The following ERAP2 variants were observed in gnomAD, a reference collection of about 807,000 sequenced individuals.
ERAP2 encodes the protein endoplasmic reticulum aminopeptidase 2.
ERAP2 carries 118 observed loss-of-function variants against 111.1 expected under a neutral mutation model. The ratio of observed to expected loss-of-function variants is 1.06; its 90% CI spans 0.92 to 1.24. The LOEUF (loss-of-function observed/expected upper bound fraction) is 1.24. ERAP2 is among the 50% of genes most tolerant of loss of function. The pLI, the probability that ERAP2 is intolerant of heterozygous loss-of-function variation, is 0.00. For missense variants in ERAP2, 1,131 were observed against 1,125.8 expected, an observed-to-expected ratio of 1.00 and a Z score of -0.07; for synonymous variants, 410 against 401.2, an observed-to-expected ratio of 1.02 and a Z score of -0.26.
At chr5:96,885,717 GT>G (rs1783648698) in intron 3 of ERAP2, among the ~76,000 whole-genome samples, 1 of 151,992 alleles carries the variant, frequency 6.6e-6, no homozygotes, top group Admixed American at 6.6e-5. Context: ...GGAAGAGCCT[GT>G]CTAGGAGTTG....
At chr5:96,917,386 GCT>G in intron 18 of ERAP2, 74 bp from the exon 19 acceptor site, 18 of 1,442,808 alleles carry the variant, frequency 1.2e-5, no homozygotes, top group East Asian at 2.4e-5. Context: ...CTCCCGAAGT[GCT>G]GGGATTACAG....
rs1290552940 is a variant in ERAP2, at chr5:96,896,870, CAT to C, written c.1503+10_1503+11del. 3 of 1,569,678 alleles carry C rather than the reference CAT, an allele frequency of 1.9e-6. No homozygotes were observed. In the African/African-American group the frequency reaches 4.2e-5, roughly 22 times the overall value. ...GTGGAGCAGTCTGTCAAATGTAAGT[CAT>C]ATGTTGGGTAACGATAGACTGTTAT... On this transcript the variant is annotated splice_region_variant and intron_variant, in intron 9 of 18. Coordinates refer to ENST00000437043, the MANE Select transcript of ERAP2 (RefSeq NM_022350.5).
intron 2 of ERAP2, among the ~76,000 whole-genome samples, chr5:96,883,502 C>G (rs1783379624): frequency 6.6e-6 from 1 of 152,178 alleles, no homozygotes. Flanking sequence ...GCTGCGGATC[C>G]TGCTAAGGTC....
chr5:96,876,766 C>T (rs1782574147), intron 1 of ERAP2, among the ~76,000 whole-genome samples: 3 of 152,166 alleles, frequency 2.0e-5, no homozygotes, highest in South Asian at 2.1e-4. Flanking sequence ...CTTTTCTAAG[C>T]GTTTGTGACA....
upstream of ERAP2, chr5:96,876,030 T>A (rs572372041): frequency 6.6e-6 from 1 of 152,454 alleles, no homozygotes; most frequent in East Asian, 1.9e-4. Flanking sequence ...GTTACAGACA[T>A]GGAAAATCTG....
At chr5:96,899,592 A>G (rs1785235968) in intron 9 of ERAP2, among the ~76,000 whole-genome samples, 1 of 152,174 alleles carries the variant, frequency 6.6e-6, no homozygotes, top group Non-Finnish European at 1.5e-5. Context: ...ACTTTTCTTA[A>G]TTCTTATTTT....
chr5:96,887,002 T>C (rs1391206392), intron 4 of ERAP2, among the ~76,000 whole-genome samples: 1 of 151,472 alleles, frequency 6.6e-6, no homozygotes, highest in Non-Finnish European at 1.5e-5. Flanking sequence ...ATTTTCTATA[T>C]GTATGTCAGC....
chr5:96,888,518 T>G (rs1405328186), intron 4 of ERAP2, among the ~76,000 whole-genome samples: 1 of 152,256 alleles, frequency 6.6e-6, no homozygotes, highest in African/African-American at 2.4e-5. Context: ...GCACAGTGCC[T>G]GGTAAACTGT....
intron 7 of ERAP2, among the ~76,000 whole-genome samples, 156 bp downstream of exon 7, chr5:96,895,515 G>C (rs2151159151): frequency 6.6e-6 from 1 of 152,228 alleles, no homozygotes; most frequent in African/African-American, 2.4e-5. Context: ...TCACAGAACT[G>C]GATGAAACAT....
rs1787308019 is a variant in ERAP2, at chr5:96,915,705, A to G, written c.2675A>G (p.Tyr892Cys). The change falls in exon 18 of 19, where the codon TAT becomes TGT. Residue 892 changes from tyrosine (Y) to cysteine (C), a missense_variant. Physicochemically the swap from Tyr to Cys is radical, Grantham distance 194. Transcript: ENST00000437043. ...HLLKKFDLGS[Y>C]DIRMIISGTT... ...ATTTTCAGATTTGACTTGGGCTCATATGACATAAGGATGATCATCTCTGGC... is the reference window on the plus strand; with the variant it reads ...ATTTTCAGATTTGACTTGGGCTCATGTGACATAAGGATGATCATCTCTGGC... The G allele has an allele frequency of 6.4e-7, 1 of 1,554,412 alleles. No individual in the cohort carries two copies. Among genetic ancestry groups the G allele is most frequent in the South Asian group, 1.2e-5 (1 of 80,328 alleles).
intron 17 of ERAP2, among the ~76,000 whole-genome samples, chr5:96,914,649 C>A (rs1787177363): frequency 6.6e-6 from 1 of 152,162 alleles, no homozygotes; most frequent in South Asian, 2.1e-4. Flanking sequence ...TTTTTCTGAG[C>A]TGTAACTGTG....
At chr5:96,898,265 A>G (rs1168389021) in intron 9 of ERAP2, among the ~76,000 whole-genome samples, 2 of 152,034 alleles carry the variant, frequency 1.3e-5, no homozygotes, top group Non-Finnish European at 2.9e-5. Flanking sequence ...AAGCACTTTC[A>G]TGTTGATTAT....
At chr5:96,876,958 A>G (rs974767700) in intron 1 of ERAP2, among the ~76,000 whole-genome samples, 1 of 151,938 alleles carries the variant, frequency 6.6e-6, no homozygotes, top group Non-Finnish European at 1.5e-5. Context: ...CTGTTTATTT[A>G]ATTTAATTTA....
At position 96,879,822 on chromosome 5, in the gene ERAP2, T is replaced by C. The variant is rs756287293; in HGVS notation, c.137T>C (p.Phe46Ser). The change falls in exon 2 of 19, where the codon TTC becomes TCC. Residue 46 changes from phenylalanine to serine, a missense_variant. Phe to Ser is a radical substitution (Grantham distance 155, BLOSUM62 -2). Around this residue, in one of 3 missense-constraint regions of ERAP2, gnomAD observed 847 missense variants for 856.5 expected, o/e 0.99. Transcript: ENST00000437043. ...TTCTCAGTGCCATCTAGTTATCACT[T>C]CACTGAGGATCCTGGGGCTTTCCCA... Reference protein sequence around the residue: ...SQFSVPSSYHFTEDPGAFPVA... With the variant: ...SQFSVPSSYHSTEDPGAFPVA... The C allele has an allele frequency of 3.7e-6, 6 of 1,614,148 alleles. No homozygotes were observed. Among genetic ancestry groups the C allele is most frequent in the Non-Finnish European group, 5.1e-6 (6 of 1,180,022 alleles).
At chr5:96,913,866 T>C (rs907672416) in intron 17 of ERAP2, among the ~76,000 whole-genome samples, 5 of 152,164 alleles carry the variant, frequency 3.3e-5, no homozygotes, top group African/African-American at 1.2e-4. Context: ...CTCAGGAATT[T>C]TGGTAAGAGC....
chr5:96,891,587 A>T lies in ERAP2; in HGVS notation c.971-712A>T, dbSNP rs1032372505. Among the ~76,000 whole-genome samples, 15 of 151,278 alleles carry T rather than the reference A, an allele frequency of 9.9e-5. 1 individual carries two copies. The highest frequency in any genetic ancestry group is 3.6e-4 in the African/African-American group (15 of 41,114). ...ACATATATGGTACACACACACACAC[A>T]CACACACGTAATGCAAATTAGTGCA... is the stretch of plus-strand genomic sequence containing the variant. On this transcript the variant is annotated intron_variant, in intron 5 of 18. Transcript: ENST00000437043.
rs1787617889 is a variant in ERAP2, at chr5:96,917,923, A to AAG, written c.*319_*320insGA. On this transcript the variant is annotated 3_prime_UTR_variant, in exon 19 of 19. Coordinates refer to ENST00000437043, the MANE Select transcript of ERAP2 (RefSeq NM_022350.5). ...TCTGTCTCAAAAAAAAAAAAAAAAA[A>AAG]AAAAAGAAAAAGAAAAAGAAAAGAA... 1 of 159,592 alleles carries AAG rather than the reference A, an allele frequency of 6.3e-6. No homozygotes were observed. The allele number at this position is 159,592 out of a possible 1,614,324, so 9.9% of individuals were successfully genotyped here.
intron 5 of ERAP2, 63 bp from the exon 6 acceptor site, chr5:96,892,236 G>C: frequency 2.6e-6 from 4 of 1,552,256 alleles, no homozygotes; most frequent in African/African-American, 2.7e-5. Context: ...TTTGAGCAGA[G>C]AGCAAATTCT....
rs374597857 is a variant in ERAP2, at chr5:96,913,459, T to C, written c.2657+2T>C. On this transcript the variant is annotated splice_donor_variant, in intron 17 of 18. Coordinates refer to ENST00000437043, the MANE Select transcript of ERAP2 (RefSeq NM_022350.5). LOFTEE classifies it high-confidence loss of function. The stretch of plus-strand genomic sequence containing the variant: ...AAATTGGACCCATCTTCTGAAAAAG[T>C]TGGTATTCATTTTCATCCAATGTTT... 1.7e-5 allele frequency: 27 copies of C among 1,613,718 alleles called. No individual in the cohort carries two copies. The highest frequency in any genetic ancestry group is 4.4e-5 in the South Asian group (4 of 91,016).
Sources: allele counts gnomAD v4.1 joint callset (sites outside exome capture counted in the v4.1 genomes callset), GRCh38; gene constraint gnomAD v4.1.1; regional missense constraint gnomAD v4.1.1; transcripts MANE v1.5; gene names NCBI Gene and HGNC (gene_info 2026-07-23, HGNC 2026-07-21).